TNS1: variants seen among roughly 807,000 people sequenced by gnomAD.
The protein encoded by TNS1 is tensin 1.
Under a neutral mutation model 168.6 loss-of-function variants are expected in TNS1, and 62 were observed. That is an observed-to-expected ratio of 0.37 (90% CI 0.30 to 0.45). The LOEUF is 0.45. Ranked by LOEUF, TNS1 falls within the 20% of genes least tolerant of loss-of-function variation. The pLI, the probability that TNS1 is intolerant of heterozygous loss-of-function variation, is 1.00. For missense variants in TNS1, 2,240 were observed against 2,339.4 expected, an observed-to-expected ratio of 0.96 and a Z score of 0.88; for synonymous variants, 934 against 933.2, an observed-to-expected ratio of 1.00 and a Z score of -0.02.
In TNS1 at chr2:217,848,651, C is replaced by T. The variant is rs779092110; in HGVS notation, c.1866G>A (p.Glu622=). 4.3e-6 allele frequency: 7 copies of T among 1,614,114 alleles called. No homozygotes were observed. Among genetic ancestry groups the T allele is most frequent in the Non-Finnish European group, 5.9e-6 (7 of 1,180,044 alleles). The change falls in exon 19 of 33, where the codon GAG becomes GAA. Residue 622 remains glutamate (E), a synonymous_variant. Transcript: ENST00000682258. ...GCAATTCATCGTCCAGGATGTCTGT[C>T]TCCCGCTCAGATGCTAACGCCCCAC... ...VNGGALASER[E]TDILDDELPN...
chr2:218,019,486 G>A (rs1338838139), intron 1 of TNS1, among the ~76,000 whole-genome samples: 1 of 152,062 alleles, frequency 6.6e-6, no homozygotes, highest in Non-Finnish European at 1.5e-5. Context: ...CCATCTCCCT[G>A]GAAAAAACCC....
chr2:217,887,038 A>T (rs184785112), intron 12 of TNS1, among the ~76,000 whole-genome samples: 28 of 152,170 alleles, frequency 1.8e-4, no homozygotes, highest in African/African-American at 6.3e-4. Context: ...CAACCACCAA[A>T]CAGCTCTGAC....
chr2:217,920,331 T>TGA, intron 3 of TNS1, 95 bp from the exon 4 acceptor site: 3 of 696,894 alleles, frequency 4.3e-6, no homozygotes, highest in Admixed American at 2.0e-5. Flanking sequence ...CCCTGCTTCA[T>TGA]TCCCTCACAC....
chr2:218,008,626 C>A (rs1437970716), intron 1 of TNS1, among the ~76,000 whole-genome samples: 4 of 152,236 alleles, frequency 2.6e-5, no homozygotes, highest in Non-Finnish European at 4.4e-5. Context: ...TCAAAGCATA[C>A]CTTGGGTAAC....
At chr2:217,999,029 G>C (rs1303529905) in intron 1 of TNS1, among the ~76,000 whole-genome samples, 1 of 152,156 alleles carries the variant, frequency 6.6e-6, no homozygotes, top group Non-Finnish European at 1.5e-5. Context: ...TGGTTAGAAA[G>C]CCAAATGATG....
chr2:218,005,631 C>G (rs910655099), upstream of TNS1, among the ~76,000 whole-genome samples: 3 of 152,232 alleles, frequency 2.0e-5, no homozygotes, highest in African/African-American at 7.2e-5. Context: ...AACCCACACA[C>G]GGGCAAGGAC....
intron 3 of TNS1, among the ~76,000 whole-genome samples, chr2:217,968,584 AT>A (rs1343201886): frequency 6.6e-6 from 1 of 152,224 alleles, no homozygotes; most frequent in African/African-American, 2.4e-5. Context: ...GAAGTAAAAA[AT>A]ATATACTCTT....
intron 22 of TNS1, chr2:217,830,319 C>T: frequency 6.2e-7 from 1 of 1,612,862 alleles, no homozygotes; most frequent in Non-Finnish European, 8.5e-7. Flanking sequence ...AGGCTATGCC[C>T]AGCTGCGTGG....
rs757957438 is a variant in TNS1, at chr2:217,804,542, C to T, written c.5437G>A (p.Ala1813Thr). Residue 1813 changes from alanine to threonine, a missense_variant, in exon 33 of 33, where the codon GCT (alanine) becomes ACT (threonine). Physicochemically the swap from Ala to Thr is moderately conservative, Grantham distance 58 (BLOSUM62 0). Coordinates refer to ENST00000682258, the MANE Select transcript of TNS1 (RefSeq NM_001387777.1). ...GCCGGCTGGTTGGGGTCAAGCTCAG[C>T]AAAGAGGTGGCAGGCGTTGTCCGTG... ...STTDNACHLF[A>T]ELDPNQPASA... 9 of 1,614,152 alleles carry T rather than the reference C, an allele frequency of 5.6e-6. No individual in the cohort carries two copies. Among genetic ancestry groups the T allele is most frequent in the Non-Finnish European group, 7.6e-6 (9 of 1,180,012 alleles).
rs752940932 is a variant in TNS1 at position 217,835,182 on chromosome 2, G to A, written c.3205-16C>T. 10 of 1,601,614 alleles carry A rather than the reference G, an allele frequency of 6.2e-6. No homozygotes were observed. The East Asian group carries it at 2.1e-4, about 33-fold the overall frequency. The stretch of plus-strand genomic sequence containing the variant: ...GCAAATGGGGCTGTGGGAGAACACA[G>A]GGGAGAAAAAGAGGGAAACCATGAG... On this transcript the variant is annotated splice_polypyrimidine_tract_variant and intron_variant, in intron 20 of 32. Coordinates refer to ENST00000682258, the MANE Select transcript of TNS1 (RefSeq NM_001387777.1).
chr2:217,895,868 C>G (rs1032353157), intron 8 of TNS1, among the ~76,000 whole-genome samples: 1 of 152,198 alleles, frequency 6.6e-6, no homozygotes, highest in African/African-American at 2.4e-5. Context: ...GGGGACAGCC[C>G]AGTCTGGAAT....
chr2:218,029,161 C>T (rs1958872190), intron 1 of TNS1, among the ~76,000 whole-genome samples: 2 of 152,206 alleles, frequency 1.3e-5, no homozygotes, highest in Non-Finnish European at 2.9e-5. Flanking sequence ...GGACCCCCAC[C>T]CACCCCACTC....
At chr2:217,952,024 T>G (rs1957255378) in intron 3 of TNS1, among the ~76,000 whole-genome samples, 1 of 152,234 alleles carries the variant, frequency 6.6e-6, no homozygotes, top group Non-Finnish European at 1.5e-5. Context: ...CACAGCCAGA[T>G]GGGCCCCTGC....
chr2:217,863,352 G>A (rs1363379395), intron 18 of TNS1, among the ~76,000 whole-genome samples: 1 of 152,142 alleles, frequency 6.6e-6, no homozygotes, highest in Non-Finnish European at 1.5e-5. Context: ...CAGATATTTG[G>A]GGTTATCACA....
chr2:217,884,298 G>C lies in TNS1; in HGVS notation c.1246+737C>G, dbSNP rs189313316. On this transcript the variant is annotated intron_variant, in intron 16 of 32. Transcript: ENST00000682258. ...GGATGGGTGGGTGGATGGATGGACA[G>C]ATGGATGGACAGACGGATGGATGAA... is the stretch of plus-strand genomic sequence containing the variant. Among the ~76,000 whole-genome samples, 10 of 152,230 alleles carry C rather than the reference G, an allele frequency of 6.6e-5. 1 individual carries two copies. Among genetic ancestry groups the C allele is most frequent in the Admixed American group, 2.6e-4 (4 of 15,294 alleles).
chr2:217,805,845 C>T (rs927792423), intron 32 of TNS1, among the ~76,000 whole-genome samples: 4 of 142,982 alleles, frequency 2.8e-5, no homozygotes, highest in African/African-American at 1.0e-4. Flanking sequence ...ACAACATATA[C>T]ACACCACACA....
intron 24 of TNS1, among the ~76,000 whole-genome samples, chr2:217,816,303 T>G (rs1049426783): frequency 3.3e-5 from 5 of 152,152 alleles, no homozygotes; most frequent in Non-Finnish European, 5.9e-5. Flanking sequence ...GGATTCCACA[T>G]TTTTCCTCTC....
Position 217,986,730 on chromosome 2 carries a change from TACACAC to T in TNS1, c.148+4206_148+4211del, listed in dbSNP as rs60286055. Reference sequence around the variant, plus strand: ...ACTGAGTCAGAAACGGCCCTCCACATACACACACACACACACACACACACACACACA... The same window carrying T: ...ACTGAGTCAGAAACGGCCCTCCACATACACACACACACACACACACACACA... On this transcript the variant is annotated intron_variant, in intron 2 of 32. Coordinates refer to ENST00000682258, the MANE Select transcript of TNS1 (RefSeq NM_001387777.1). The surrounding 1 kb of genome is among the most constrained non-coding windows in gnomAD (Gnocchi z 4.7). 20,564 of 147,708 alleles carry T rather than the reference TACACAC, an allele frequency of 0.14. 1,492 individuals are homozygous for T. The highest frequency in any genetic ancestry group is 0.21 in the South Asian group (991 of 4,648). The allele number at this position is 147,708 out of a possible 1,614,324, so 9.1% of individuals were successfully genotyped here.
At chr2:218,004,118 C>T (rs558811153), upstream of TNS1, among the ~76,000 whole-genome samples, 76 of 152,322 alleles carry the variant, frequency 5.0e-4, 1 homozygote, top group Middle Eastern at 0.014. Flanking sequence ...GAATCACCCG[C>T]TCTGTTCTTT....
Sources: gnomAD v4.1 joint callset for allele counts (sites outside exome capture counted in the v4.1 genomes callset) on GRCh38, gnomAD v4.1.1 for gene constraint, Gnocchi (gnomAD v3.1) non-coding constraint, MANE v1.5 for transcripts, NCBI Gene and HGNC (gene_info 2026-07-23, HGNC 2026-07-21) for gene names.